The following TGS1 variants were observed in gnomAD, a reference collection of about 807,000 sequenced individuals.
TGS1 encodes the protein trimethylguanosine synthase 1, also known as trimethylguanosine synthase.
In TGS1, 69 loss-of-function variants were observed where a neutral mutation model predicts 92.2. The observed-to-expected ratio is 0.75, with a 90% confidence interval of 0.62 to 0.91. The LOEUF is 0.91. Among genes scored for constraint, TGS1 ranks in the 40% least tolerant of loss-of-function variants. The pLI is 0.00. For synonymous variants in TGS1, 345 were observed against 338.1 expected, an observed-to-expected ratio of 1.02 and a Z score of -0.22; for missense variants, 1,062 against 1,001.2, an observed-to-expected ratio of 1.06 and a Z score of -0.82.
chr8:55,779,605 C>T lies in TGS1; in HGVS notation c.102-3143C>T, dbSNP rs185226233. Among the ~76,000 whole-genome samples the T allele has an allele frequency of 6.5e-3, 985 of 152,344 alleles. 9 individuals carry two copies. The highest frequency in any genetic ancestry group is 0.01 in the Middle Eastern group (3 of 294). ...GGCAGCCCAGGCTACATGCTTAATT[C>T]ACGGCCCACAGTATGATCGGGTACT... On this transcript the variant is annotated intron_variant, in intron 1 of 12. Transcript: ENST00000260129.
In TGS1 at chr8:55,799,029, A is replaced by G. The variant is rs1236265575; in HGVS notation, c.1658A>G (p.Asp553Gly). The change falls in exon 8 of 13, where the codon GAC becomes GGC. Residue 553 changes from aspartate to glycine, a missense_variant. Asp to Gly is a moderately conservative substitution (Grantham distance 94). Coordinates refer to ENST00000260129, the MANE Select transcript of TGS1 (RefSeq NM_024831.8). Reference sequence around the variant, plus strand: ...ACAAGTAGTGATTCAGAGGAACAAGACATGTCTGTTAAAAAAGGTGATGAC... The same window carrying G: ...ACAAGTAGTGATTCAGAGGAACAAGGCATGTCTGTTAAAAAAGGTGATGAC... ...ASTSSDSEEQ[D>G]MSVKKGDDLL... is the part of the protein sequence containing the mutation. The G allele has an allele frequency of 2.5e-6, 4 of 1,614,232 alleles. No homozygotes were observed. The highest frequency in any genetic ancestry group is 1.6e-4 in the Middle Eastern group (1 of 6,062).
At chr8:55,775,163 A>G (rs1407195073) in intron 1 of TGS1, among the ~76,000 whole-genome samples, 3 of 151,824 alleles carry the variant, frequency 2.0e-5, no homozygotes, top group African/African-American at 7.3e-5. Context: ...CTTGGGCCAG[A>G]TGCTCTCTTG....
chr8:55,814,260 A>G (rs1008287154), intron 12 of TGS1, among the ~76,000 whole-genome samples: 1 of 152,076 alleles, frequency 6.6e-6, no homozygotes, highest in South Asian at 2.1e-4. Flanking sequence ...GTAGCTTTTT[A>G]AAAAAACTAC....
chr8:55,778,690 C>T (rs866314784), intron 1 of TGS1, among the ~76,000 whole-genome samples: 3 of 152,178 alleles, frequency 2.0e-5, no homozygotes, highest in African/African-American at 7.2e-5. Context: ...AGCTGTGTGG[C>T]CTTAGGCAAG....
Position 55,811,107 on chromosome 8 carries a change from G to A in TGS1, c.2360+10G>A. 6.9e-7 allele frequency: 1 copy of A among 1,448,400 alleles called. No individual in the cohort carries two copies. 89.7% of individuals were successfully genotyped at this position (1,448,400 alleles called of 1,614,324 possible). A position where few individuals can be genotyped will look rare whatever the true frequency, so the allele number is the denominator to read the frequency against. On this transcript the variant is annotated intron_variant, in intron 11 of 12. Transcript: ENST00000260129. Reference sequence around the variant, plus strand: ...TGATGTCTCCTGATGGATATCCTTTGGAAGTCTTAAGAGTTTACTGAAACA... The same window carrying A: ...TGATGTCTCCTGATGGATATCCTTTAGAAGTCTTAAGAGTTTACTGAAACA...
intron 12 of TGS1, among the ~76,000 whole-genome samples, chr8:55,815,918 TTTTATTTATTTA>T (rs142853626): frequency 3.3e-5 from 5 of 150,546 alleles, no homozygotes; most frequent in Admixed American, 6.6e-5. Context: ...AAGGACTAAT[TTTTATTTATTTA>T]TTTATTTATT....
chr8:55,789,131 A>G (rs1811802972), intron 4 of TGS1, among the ~76,000 whole-genome samples: 1 of 152,140 alleles, frequency 6.6e-6, no homozygotes, highest in South Asian at 2.1e-4. Context: ...GCTTCTATGT[A>G]AGTATGTTTT....
chr8:55,806,193 T>C (rs955433349), intron 10 of TGS1, among the ~76,000 whole-genome samples: 8 of 146,306 alleles, frequency 5.5e-5, no homozygotes, highest in African/African-American at 2.0e-4. Context: ...CCGTCTCTCC[T>C]AAAAATACAA....
In TGS1 at chr8:55,790,181, G is replaced by A. The variant is rs1413767132; in HGVS notation, c.1163-1G>A. 2.5e-6 allele frequency: 4 copies of A among 1,611,402 alleles called. No homozygotes were observed. The highest frequency in any genetic ancestry group is 2.5e-6 in the Non-Finnish European group (3 of 1,178,018). ...CTACTGCAATATTTCTGCCTCTTTAGATTCACAGAAGTCTTCAGGAGCAAA... is the reference window on the plus strand; with the variant it reads ...CTACTGCAATATTTCTGCCTCTTTAAATTCACAGAAGTCTTCAGGAGCAAA... On this transcript the variant is annotated splice_acceptor_variant, in intron 4 of 12. Coordinates refer to ENST00000260129, the MANE Select transcript of TGS1 (RefSeq NM_024831.8). LOFTEE classifies it high-confidence loss of function.
intron 1 of TGS1, among the ~76,000 whole-genome samples, chr8:55,780,823 T>C (rs1811539510): frequency 1.3e-5 from 2 of 152,216 alleles, no homozygotes; most frequent in South Asian, 4.1e-4. Flanking sequence ...TACTAACAGG[T>C]TATATTCCAT....
intron 1 of TGS1, among the ~76,000 whole-genome samples, chr8:55,776,471 G>A (rs1165405105): frequency 6.6e-6 from 1 of 151,994 alleles, no homozygotes; most frequent in African/African-American, 2.4e-5. Context: ...TAATAGAGAC[G>A]GGGTTTCACT....
At chr8:55,792,023 T>A (rs1811901306) in intron 5 of TGS1, among the ~76,000 whole-genome samples, 1 of 152,240 alleles carries the variant, frequency 6.6e-6, no homozygotes, top group African/African-American at 2.4e-5. Context: ...TCTACTGTGC[T>A]ACCTCTGTAT....
intron 7 of TGS1, among the ~76,000 whole-genome samples, chr8:55,796,513 A>T (rs573906272): frequency 1.3e-5 from 2 of 151,464 alleles, no homozygotes; most frequent in Admixed American, 6.6e-5. Flanking sequence ...AACATGGAAA[A>T]CCCTGTCTCT....
chr8:55,795,459 A>G (rs1035670098), intron 6 of TGS1, among the ~76,000 whole-genome samples: 5 of 152,224 alleles, frequency 3.3e-5, no homozygotes, highest in Non-Finnish European at 7.3e-5. Context: ...AGGAGGCTTC[A>G]TAGCAGATAC....
intron 8 of TGS1, among the ~76,000 whole-genome samples, chr8:55,801,582 C>CCTTTTTTTTTTTTTTTTTTTTTT (rs1214681045): frequency 4.1e-5 from 2 of 48,216 alleles, no homozygotes; most frequent in African/African-American, 1.9e-4. Flanking sequence ...CCCCATCGTT[C>CCTTTTTTTTTTTTTTTTTTTTTT]TTTTTTTTTT....
chr8:55,825,727 T>A lies in TGS1; in HGVS notation c.*1024T>A, dbSNP rs1803777405. ...TAACTTTGTTGGAATATGCTAATTTTAGTGTCTTGAAAGTTTACAATTTAT... is the reference window on the plus strand; with the variant it reads ...TAACTTTGTTGGAATATGCTAATTTAAGTGTCTTGAAAGTTTACAATTTAT... On this transcript the variant is annotated 3_prime_UTR_variant, in exon 13 of 13. Coordinates refer to ENST00000260129, the MANE Select transcript of TGS1 (RefSeq NM_024831.8). 1.3e-5 allele frequency among the ~76,000 whole-genome samples: 2 copies of A among 152,240 alleles called. No homozygotes were observed. The highest frequency in any genetic ancestry group is 2.9e-5 in the Non-Finnish European group (2 of 68,042).
intron 12 of TGS1, among the ~76,000 whole-genome samples, chr8:55,821,029 C>T (rs1482825976): frequency 6.6e-6 from 1 of 152,186 alleles, no homozygotes; most frequent in Non-Finnish European, 1.5e-5. Flanking sequence ...ATAAGTCTTT[C>T]CAACTCCAAA....
In TGS1 at chr8:55,820,553, C is replaced by CA. The variant is rs536052237; in HGVS notation, c.2440-4019dup. On this transcript the variant is annotated intron_variant, in intron 12 of 12. Coordinates refer to ENST00000260129, the MANE Select transcript of TGS1 (RefSeq NM_024831.8). ...ACTCGTCTCAAAAAACAAAACAAAA[C>CA]AAAAAAAAAGTGCAGTTTTGAATGT... 4.4e-3 allele frequency among the ~76,000 whole-genome samples: 666 copies of CA among 150,784 alleles called. 2 individuals are homozygous for CA. Among genetic ancestry groups the CA allele is most frequent in the African/African-American group, 0.015 (614 of 41,168 alleles).
chr8:55,804,372 C>T (rs143928110), intron 9 of TGS1, among the ~76,000 whole-genome samples: 2,271 of 152,174 alleles, frequency 0.015, 64 homozygotes, highest in African/African-American at 0.05. Flanking sequence ...ACCCAGGAGG[C>T]GGAAGTTGCA....
Sources: gnomAD v4.1 joint callset for allele counts (sites outside exome capture counted in the v4.1 genomes callset) on GRCh38, gnomAD v4.1.1 for gene constraint, MANE v1.5 for transcripts, NCBI Gene and HGNC (gene_info 2026-07-23, HGNC 2026-07-21) for gene names.